The following CSMD2 variants were observed in gnomAD, a reference collection of about 807,000 sequenced individuals.
CSMD2 encodes the protein CUB and Sushi multiple domains 2, also known as CUB and sushi domain-containing protein 2.
Under a neutral mutation model 398.5 loss-of-function variants are expected in CSMD2, and 130 were observed. That is an observed-to-expected ratio of 0.33 (90% confidence interval 0.28 to 0.38). The LOEUF (loss-of-function observed/expected upper bound fraction) is 0.38. Ranked by LOEUF, CSMD2 falls within the 10% of genes least tolerant of loss-of-function variation. The pLI is 1.00. For missense variants in CSMD2, 3,829 were observed against 4,764.9 expected, an observed-to-expected ratio of 0.80 and a Z score of 5.78; for synonymous variants, 1,828 against 1,908.5, an observed-to-expected ratio of 0.96 and a Z score of 1.10.
Position 33,570,069 on chromosome 1 carries a change from C to T in CSMD2, c.7958-522G>A, listed in dbSNP as rs560554414. On this transcript the variant is annotated intron_variant, in intron 51 of 70. Coordinates refer to ENST00000373381, the MANE Select transcript of CSMD2 (RefSeq NM_001281956.2). Reference sequence around the variant, plus strand: ...GCTGCATTGTAGTGAGGCTGCCAAACGCTTGGGACTACTCTGCCACATATG... The same window carrying T: ...GCTGCATTGTAGTGAGGCTGCCAAATGCTTGGGACTACTCTGCCACATATG... Among the ~76,000 whole-genome samples, 16 of 152,144 alleles carry T rather than the reference C, an allele frequency of 1.1e-4. No homozygotes were observed. In the South Asian group the frequency reaches 1.2e-3, roughly 12 times the overall value.
chr1:33,727,203 G>A (rs765176775), intron 15 of CSMD2, among the ~76,000 whole-genome samples: 15 of 152,190 alleles, frequency 9.9e-5, no homozygotes, highest in Non-Finnish European at 1.8e-4. Context: ...CATGGTGCTT[G>A]GCACACAGTT....
At chr1:34,124,196 T>C (rs931601984) in intron 1 of CSMD2, among the ~76,000 whole-genome samples, 38 of 152,214 alleles carry the variant, frequency 2.5e-4, no homozygotes, top group African/African-American at 8.2e-4. Flanking sequence ...ATTCATTCAT[T>C]CATCCATCCA....
At chr1:34,101,259 C>A (rs1231182469) in intron 1 of CSMD2, among the ~76,000 whole-genome samples, 2 of 152,182 alleles carry the variant, frequency 1.3e-5, no homozygotes, top group Non-Finnish European at 2.9e-5. Context: ...CCTTCTTTCA[C>A]CCATGCTTTG....
At chr1:34,084,691 C>A (rs905493628) in intron 2 of CSMD2, among the ~76,000 whole-genome samples, 1 of 152,014 alleles carries the variant, frequency 6.6e-6, no homozygotes, top group Non-Finnish European at 1.5e-5. Context: ...TACCATCTCA[C>A]ACCAGTTAGA....
chr1:34,074,745 C>T (rs1361947387), intron 2 of CSMD2, among the ~76,000 whole-genome samples: 1 of 151,716 alleles, frequency 6.6e-6, no homozygotes, highest in Non-Finnish European at 1.5e-5. Flanking sequence ...CACACACACA[C>T]GCGTGTGTAA....
chr1:33,662,166 G>C (rs1297747956), intron 26 of CSMD2, among the ~76,000 whole-genome samples: 1 of 152,180 alleles, frequency 6.6e-6, no homozygotes, highest in Non-Finnish European at 1.5e-5. Flanking sequence ...GTAGCTCTTT[G>C]TCATGCTCCT....
intron 3 of CSMD2, among the ~76,000 whole-genome samples, chr1:34,029,369 C>T (rs1650122881): frequency 1.3e-5 from 2 of 152,188 alleles, no homozygotes; most frequent in African/African-American, 4.8e-5. Flanking sequence ...TGCCCAAGGT[C>T]ACCCAGTGAG....
At chr1:33,713,245 T>G (rs1275939387) in intron 21 of CSMD2, among the ~76,000 whole-genome samples, 1 of 152,178 alleles carries the variant, frequency 6.6e-6, no homozygotes, top group Non-Finnish European at 1.5e-5. Context: ...CCGGCTCATC[T>G]TGCCAGCCTG....
intron 3 of CSMD2, among the ~76,000 whole-genome samples, chr1:34,010,055 G>A (rs1038249061): frequency 1.3e-5 from 2 of 152,112 alleles, no homozygotes; most frequent in African/African-American, 4.8e-5. Flanking sequence ...GCTCTCCATT[G>A]TCTACAGGAC....
At chr1:33,735,641 C>T (rs528865577) in intron 15 of CSMD2, among the ~76,000 whole-genome samples, 4 of 152,188 alleles carry the variant, frequency 2.6e-5, no homozygotes, top group East Asian at 1.9e-4. Flanking sequence ...AAAAGTTTGC[C>T]GACCCCTGCT....
Position 33,600,897 on chromosome 1 carries a change from G to A in CSMD2, c.6824C>T (p.Ala2275Val). The change falls in exon 44 of 71, where the codon GCC becomes GTC. Residue 2275 changes from alanine to valine, a missense_variant. Physicochemically the swap from Ala to Val is moderately conservative, Grantham distance 64. Transcript: ENST00000373381. The part of the protein sequence containing the change: ...QVLLKFHRDA[A>V]TGGIFAIAFS... Reference sequence around the variant, plus strand: ...AGCTATGGCGAAGATCCCCCCTGTGGCTGCATCACGGTGGAACTTGAGCAG... The same window carrying A: ...AGCTATGGCGAAGATCCCCCCTGTGACTGCATCACGGTGGAACTTGAGCAG... 1 of 1,614,160 alleles carries A rather than the reference G, an allele frequency of 6.2e-7. No homozygotes were observed. The highest frequency in any genetic ancestry group is 1.7e-5 in the Admixed American group (1 of 60,022).
intron 47 of CSMD2, among the ~76,000 whole-genome samples, chr1:33,581,185 T>C (rs1370601854): frequency 6.6e-6 from 1 of 151,724 alleles, no homozygotes; most frequent in African/African-American, 2.4e-5. Context: ...AGCTGGTTAA[T>C]GGAAGAGCTG....
intron 4 of CSMD2, among the ~76,000 whole-genome samples, chr1:33,935,026 A>G (rs1049319387): frequency 2.0e-5 from 3 of 151,092 alleles, no homozygotes; most frequent in Non-Finnish European, 4.4e-5. Context: ...AAAAAAAAAA[A>G]AAAAGAAAAA....
At chr1:33,978,626 T>C (rs540416016) in intron 3 of CSMD2, among the ~76,000 whole-genome samples, 1 of 152,174 alleles carries the variant, frequency 6.6e-6, no homozygotes, top group South Asian at 2.1e-4. Context: ...AAGAGTGCTC[T>C]AGGTGGAGAG....
At chr1:33,671,996 AG>A (rs143577679) in intron 25 of CSMD2, among the ~76,000 whole-genome samples, 1 of 152,002 alleles carries the variant, frequency 6.6e-6, no homozygotes, top group Non-Finnish European at 1.5e-5. Context: ...AGACATGCAA[AG>A]GGGGGTGGAG....
At chr1:33,577,192 A>G (rs1400512925) in intron 49 of CSMD2, 104 bp downstream of exon 49, 6 of 1,051,168 alleles carry the variant, frequency 5.7e-6, no homozygotes, top group Non-Finnish European at 8.3e-6. Flanking sequence ...TGAAATAATT[A>G]TCAAAGAGGA....
intron 12 of CSMD2, among the ~76,000 whole-genome samples, chr1:33,774,246 A>G (rs922838678): frequency 6.6e-6 from 1 of 152,004 alleles, no homozygotes; most frequent in Non-Finnish European, 1.5e-5. Context: ...AATGTAAGTC[A>G]GCCCACTTGC....
At chr1:33,949,464 C>G (rs2125364164) in intron 3 of CSMD2, among the ~76,000 whole-genome samples, 1 of 152,324 alleles carries the variant, frequency 6.6e-6, no homozygotes, top group Non-Finnish European at 1.5e-5. Context: ...GCTTTGAATT[C>G]TAAAGACCTC....
At chr1:34,003,815 A>G (rs1351017800) in intron 3 of CSMD2, among the ~76,000 whole-genome samples, 1 of 152,202 alleles carries the variant, frequency 6.6e-6, no homozygotes, top group Non-Finnish European at 1.5e-5. Flanking sequence ...AGAAGTGGTA[A>G]AAGTCAAGTC....
Sources: allele counts gnomAD v4.1 joint callset (sites outside exome capture counted in the v4.1 genomes callset), GRCh38; gene constraint gnomAD v4.1.1; transcripts MANE v1.5; gene names NCBI Gene and HGNC (gene_info 2026-07-23, HGNC 2026-07-21).